AOAH: variants seen among roughly 807,000 people sequenced by gnomAD.
The protein encoded by AOAH is acyloxyacyl hydrolase, also known as acyloxyacyl hydrolase (neutrophil).
A neutral mutation model predicts 92.2 loss-of-function variants in AOAH; 64 were observed. The observed-to-expected ratio is 0.69, with a 90% CI of 0.57 to 0.86. AOAH has a LOEUF of 0.86. Ranked by LOEUF, AOAH falls within the 40% of genes least tolerant of loss-of-function variation. The pLI is 0.00. For synonymous variants in AOAH, 263 were observed against 254.5 expected (o/e 1.03, Z -0.32); for missense variants, 656 against 694.6 (o/e 0.94, Z 0.62).
At chr7:36,564,144 C>T (rs966109963) in intron 13 of AOAH, among the ~76,000 whole-genome samples, 2 of 152,204 alleles carry the variant, frequency 1.3e-5, no homozygotes, top group Admixed American at 1.3e-4. Flanking sequence ...CCCCTCAGAG[C>T]CTCCCAGCTC....
chr7:36,567,372 C>T (rs1787790608), intron 13 of AOAH, among the ~76,000 whole-genome samples: 1 of 152,078 alleles, frequency 6.6e-6, no homozygotes, highest in African/African-American at 2.4e-5. Flanking sequence ...AAGGTATACC[C>T]CTGACAAGCT....
rs141350640 is a variant in AOAH at position 36,603,480 on chromosome 7, T to C, written c.847-9050A>G. On this transcript the variant is annotated intron_variant, in intron 11 of 20. Transcript: ENST00000617537. Reference sequence around the variant, plus strand: ...TCTCTCTTAGGTGTCCTCTTCTAGGTCTCATGGTAGCTTGTGCATGCCTAG... The same window carrying C: ...TCTCTCTTAGGTGTCCTCTTCTAGGCCTCATGGTAGCTTGTGCATGCCTAG... 1.1e-3 allele frequency among the ~76,000 whole-genome samples: 173 copies of C among 152,252 alleles called. 2 individuals are homozygous for C. Among genetic ancestry groups the C allele is most frequent in the Middle Eastern group, 6.8e-3 (2 of 294 alleles).
At chr7:36,656,881 G>GT (rs1264495276) in intron 4 of AOAH, among the ~76,000 whole-genome samples, 2 of 148,846 alleles carry the variant, frequency 1.3e-5, no homozygotes, top group Non-Finnish European at 3.0e-5. Context: ...GAGGTTTGGT[G>GT]GGGGGTGTTG....
At chr7:36,524,309 T>C (rs958755103) in intron 19 of AOAH, among the ~76,000 whole-genome samples, 2 of 152,018 alleles carry the variant, frequency 1.3e-5, no homozygotes, top group South Asian at 4.2e-4. Flanking sequence ...GCATAGGTAA[T>C]TATTCCGTGA....
chr7:36,535,086 C>G (rs1185729317), intron 16 of AOAH, among the ~76,000 whole-genome samples: 7 of 97,278 alleles, frequency 7.2e-5, no homozygotes, highest in East Asian at 4.2e-4. Context: ...GTCTGTGTCT[C>G]TGTGTGTGTG....
chr7:36,526,968 AG>A (rs1374907658), intron 19 of AOAH, among the ~76,000 whole-genome samples: 1 of 152,214 alleles, frequency 6.6e-6, no homozygotes, highest in Non-Finnish European at 1.5e-5. Flanking sequence ...GGGCAGCTGG[AG>A]GTATATTTAA....
chr7:36,685,747 A>G (rs1342996984), intron 2 of AOAH, among the ~76,000 whole-genome samples: 1 of 152,190 alleles, frequency 6.6e-6, no homozygotes. Flanking sequence ...AGAAAGATGT[A>G]ATTATGATGT....
chr7:36,638,782 T>G (rs910574961), intron 4 of AOAH, among the ~76,000 whole-genome samples: 1 of 152,222 alleles, frequency 6.6e-6, no homozygotes, highest in Non-Finnish European at 1.5e-5. Context: ...GAGTGCGTGT[T>G]GATGACTCAA....
intron 13 of AOAH, among the ~76,000 whole-genome samples, chr7:36,566,022 T>A (rs1201217808): frequency 6.6e-6 from 1 of 152,018 alleles, no homozygotes; most frequent in Non-Finnish European, 1.5e-5. Context: ...CTCCTTAGTA[T>A]CCTTTTAATC....
intron 4 of AOAH, among the ~76,000 whole-genome samples, chr7:36,658,007 T>C (rs748729572): frequency 6.6e-6 from 1 of 152,104 alleles, no homozygotes; most frequent in Admixed American, 6.5e-5. Context: ...GAAAATATTA[T>C]GATATTATGA....
chr7:36,686,899 C>T, intron 1 of AOAH, 105 bp from the exon 2 acceptor site: 1 of 572,144 alleles, frequency 1.7e-6, no homozygotes, highest in Non-Finnish European at 2.8e-6. Context: ...TGTGTGTGTC[C>T]TTAAGAAGGC....
chr7:36,560,072 G>A (rs1442080027), intron 13 of AOAH, among the ~76,000 whole-genome samples: 1 of 152,138 alleles, frequency 6.6e-6, no homozygotes, highest in Non-Finnish European at 1.5e-5. Flanking sequence ...TGGACTCTCT[G>A]TTCTGTACCA....
chr7:36,708,483 G>C (rs193248912), intron 1 of AOAH, among the ~76,000 whole-genome samples: 17 of 152,118 alleles, frequency 1.1e-4, no homozygotes, highest in African/African-American at 4.1e-4. Flanking sequence ...CTTTCGCTAT[G>C]GTGGTCTTTA....
intron 1 of AOAH, among the ~76,000 whole-genome samples, chr7:36,692,004 G>C (rs1048716120): frequency 3.9e-5 from 6 of 152,208 alleles, no homozygotes; most frequent in African/African-American, 1.4e-4. Context: ...TCTACCAGCT[G>C]AGCGCAGCTG....
intron 11 of AOAH, among the ~76,000 whole-genome samples, chr7:36,611,390 C>T (rs1449321986): frequency 1.3e-5 from 2 of 152,170 alleles, no homozygotes; most frequent in Admixed American, 6.5e-5. Context: ...ACTGCCAAAA[C>T]GTAGGAGTGG....
chr7:36,649,141 G>C (rs903423645), intron 4 of AOAH, among the ~76,000 whole-genome samples: 2 of 152,170 alleles, frequency 1.3e-5, no homozygotes, highest in African/African-American at 4.8e-5. Context: ...GTAAAGCTTT[G>C]AGCTTCAAGT....
chr7:36,675,983 G>A (rs925997911), intron 2 of AOAH, among the ~76,000 whole-genome samples: 1 of 152,106 alleles, frequency 6.6e-6, no homozygotes, highest in Admixed American at 6.5e-5. Context: ...ACCTAATAAA[G>A]GTTATCTACA....
At chr7:36,553,310 C>T (rs1786425762) in intron 13 of AOAH, among the ~76,000 whole-genome samples, 1 of 151,980 alleles carries the variant, frequency 6.6e-6, no homozygotes, top group Admixed American at 6.6e-5. Flanking sequence ...AATGTCCCTA[C>T]AAAGGTCATC....
At chr7:36,621,634 TG>T (rs1562630440) in intron 8 of AOAH, 75 bp downstream of exon 8, 3 of 1,357,072 alleles carry the variant, frequency 2.2e-6, no homozygotes, top group Non-Finnish European at 3.2e-6. Context: ...TCCCCTAGGC[TG>T]GGGGAAGGAA....
Sources: gnomAD v4.1 joint callset for allele counts (sites outside exome capture counted in the v4.1 genomes callset) on GRCh38, gnomAD v4.1.1 for gene constraint, MANE v1.5 for transcripts, NCBI Gene and HGNC (gene_info 2026-07-23, HGNC 2026-07-21) for gene names.